CCDC85A: variants seen among roughly 807,000 people sequenced by gnomAD.
CCDC85A encodes the protein coiled-coil domain-containing protein 85A.
Under a neutral mutation model 50.2 loss-of-function variants are expected in CCDC85A, and 38 were observed. The observed-to-expected ratio is 0.76, with a 90% CI of 0.58 to 0.99. The LOEUF is 0.99. Ranked by LOEUF, CCDC85A falls within the 50% of genes least tolerant of loss-of-function variation. The pLI, the probability that CCDC85A is intolerant of heterozygous loss-of-function variation, is 0.00. For missense variants in CCDC85A, 820 were observed against 742.0 expected (o/e 1.11, Z -1.22); for synonymous variants, 366 against 301.4 (o/e 1.21, Z -2.22).
intron 2 of CCDC85A, among the ~76,000 whole-genome samples, chr2:56,284,251 A>G (rs1671329607): frequency 6.6e-6 from 1 of 152,088 alleles, no homozygotes; most frequent in Non-Finnish European, 1.5e-5. Context: ...GAAATTTATT[A>G]TGTCTTTTAT....
chr2:56,259,894 A>C (rs1489750267), intron 2 of CCDC85A, among the ~76,000 whole-genome samples: 1 of 152,106 alleles, frequency 6.6e-6, no homozygotes, highest in Non-Finnish European at 1.5e-5. Context: ...TACTCATCTT[A>C]AGGGCCAGGT....
At chr2:56,282,244 T>G (rs1052923069) in intron 2 of CCDC85A, among the ~76,000 whole-genome samples, 15 of 151,568 alleles carry the variant, frequency 9.9e-5, no homozygotes, top group Admixed American at 9.2e-4. Context: ...GGATCTTTTT[T>G]TAGATTCTGT....
chr2:56,305,114 A>AAAAT (rs1553408855), intron 2 of CCDC85A, among the ~76,000 whole-genome samples: 1 of 151,822 alleles, frequency 6.6e-6, no homozygotes, highest in African/African-American at 2.4e-5. Context: ...AAAAAAAAAA[A>AAAAT]ATATAGGATA....
intron 2 of CCDC85A, among the ~76,000 whole-genome samples, chr2:56,323,024 A>G (rs1485486758): frequency 6.6e-6 from 1 of 152,052 alleles, no homozygotes; most frequent in Non-Finnish European, 1.5e-5. Flanking sequence ...AACCATCATT[A>G]TGAGCAAACT....
intron 2 of CCDC85A, among the ~76,000 whole-genome samples, chr2:56,221,293 A>G (rs762044185): frequency 3.0e-4 from 46 of 152,050 alleles, no homozygotes; most frequent in Non-Finnish European, 1.5e-4. Context: ...TACACTTACT[A>G]TGTAGTAGAT....
chr2:56,377,601 A>G (rs1325815959), intron 5 of CCDC85A, among the ~76,000 whole-genome samples: 2 of 152,154 alleles, frequency 1.3e-5, no homozygotes, highest in East Asian at 3.9e-4. Flanking sequence ...GAGCTCCTCA[A>G]TTTTCTCTGA....
intron 2 of CCDC85A, among the ~76,000 whole-genome samples, chr2:56,226,170 G>T (rs1182414755): frequency 1.3e-5 from 2 of 152,198 alleles, no homozygotes; most frequent in African/African-American, 4.8e-5. Context: ...ATGGACTTGA[G>T]TTAAAATTCC....
Position 56,375,854 on chromosome 2 carries a change from C to G in CCDC85A, c.1491C>G (p.Asn497Lys). The stretch of plus-strand genomic sequence containing the variant: ...TGTCATCAGGGGCTGATGGGAGTAA[C>G]AGTTCACCCAACTCTGCAGCTAGCT... ...FRLSSGADGS[N>K]SSPNSAASFS... Residue 497 changes from asparagine to lysine, a missense_variant, in exon 5 of 6, where the codon AAC (asparagine) becomes AAG (lysine). By Grantham distance (94) the Asn-to-Lys change is moderately conservative (BLOSUM62 0). Transcript: ENST00000407595. 3 of 1,613,700 alleles carry G rather than the reference C, an allele frequency of 1.9e-6. No individual in the cohort carries two copies. Among genetic ancestry groups the G allele is most frequent in the Non-Finnish European group, 2.5e-6 (3 of 1,179,744 alleles).
chr2:56,340,294 G>A (rs951454261), intron 2 of CCDC85A, among the ~76,000 whole-genome samples: 4 of 152,174 alleles, frequency 2.6e-5, no homozygotes, highest in Admixed American at 2.0e-4. Flanking sequence ...TTTCCATGAT[G>A]AAATTCAGAT....
intron 2 of CCDC85A, among the ~76,000 whole-genome samples, chr2:56,214,292 G>A (rs1412401288): frequency 6.6e-6 from 1 of 151,902 alleles, no homozygotes; most frequent in African/African-American, 2.4e-5. Flanking sequence ...TATTAAGTGA[G>A]TATGAAGAGA....
intron 2 of CCDC85A, among the ~76,000 whole-genome samples, chr2:56,214,109 A>T (rs975650437): frequency 2.1e-5 from 3 of 144,440 alleles, no homozygotes; most frequent in Admixed American, 2.0e-4. Flanking sequence ...AAGGAAAAAG[A>T]TGACATTAGT....
intron 2 of CCDC85A, among the ~76,000 whole-genome samples, chr2:56,326,077 T>G (rs931723439): frequency 6.6e-6 from 1 of 152,148 alleles, no homozygotes. Context: ...GAAACTTGCT[T>G]AATTTGGCCT....
In CCDC85A at chr2:56,336,698, A is replaced by G. The variant is rs145127795; in HGVS notation, c.1241-6181A>G. 3.4e-4 allele frequency among the ~76,000 whole-genome samples: 52 copies of G among 152,352 alleles called. 1 individual carries two copies. The East Asian group carries it at 9.5e-3, about 28-fold the overall frequency. ...TAGGGTAACACTGCCTTAGAAACAAAAGGGAAGTAAAGAGGGTTTCATATT... is the reference window on the plus strand; with the variant it reads ...TAGGGTAACACTGCCTTAGAAACAAGAGGGAAGTAAAGAGGGTTTCATATT... On this transcript the variant is annotated intron_variant, in intron 2 of 5. Coordinates refer to ENST00000407595, the MANE Select transcript of CCDC85A (RefSeq NM_001080433.2).
At chr2:56,354,322 A>G (rs572386825) in intron 3 of CCDC85A, among the ~76,000 whole-genome samples, 3 of 152,240 alleles carry the variant, frequency 2.0e-5, no homozygotes, top group Admixed American at 6.5e-5. Flanking sequence ...GACATGAGGT[A>G]TCACACATTA....
In CCDC85A at chr2:56,193,088, G is replaced by C; in HGVS notation, c.888G>C (p.Pro296=). Residue 296 remains proline, a synonymous_variant, in exon 2 of 6, where the codon CCG becomes CCC. Transcript: ENST00000407595. ...CKGSPEQQRH[P]HPGSSPETLP... ...GCAGCCCCGAACAGCAAAGGCACCC[G>C]CATCCAGGGAGCAGCCCCGAAACGC... 6.2e-7 allele frequency: 1 copy of C among 1,613,564 alleles called. No individual in the cohort carries two copies. The highest frequency in any genetic ancestry group is 8.5e-7 in the Non-Finnish European group (1 of 1,179,806).
chr2:56,360,036 G>T (rs1675443554), intron 3 of CCDC85A, among the ~76,000 whole-genome samples: 1 of 152,200 alleles, frequency 6.6e-6, no homozygotes, highest in African/African-American at 2.4e-5. Flanking sequence ...CACCAGGACT[G>T]ATTGACATCA....
At chr2:56,321,892 A>G (rs12499814) in intron 2 of CCDC85A, among the ~76,000 whole-genome samples, 1 of 152,238 alleles carries the variant, frequency 6.6e-6, no homozygotes, top group South Asian at 2.1e-4. Context: ...ACTTCAAACT[A>G]TACTACAAGG....
chr2:56,212,723 C>A (rs1413421455), intron 2 of CCDC85A, among the ~76,000 whole-genome samples: 2 of 151,948 alleles, frequency 1.3e-5, no homozygotes, highest in Non-Finnish European at 2.9e-5. Flanking sequence ...AGTGTGCAGG[C>A]AGAATTTTCA....
At chr2:56,358,172 C>T (rs1675331860) in intron 3 of CCDC85A, among the ~76,000 whole-genome samples, 1 of 152,162 alleles carries the variant, frequency 6.6e-6, no homozygotes, top group South Asian at 2.1e-4. Context: ...CACCATCAGC[C>T]AAAACAAACC....
Sources: allele counts gnomAD v4.1 joint callset (sites outside exome capture counted in the v4.1 genomes callset), GRCh38; gene constraint gnomAD v4.1.1; transcripts MANE v1.5; gene names NCBI Gene and HGNC (gene_info 2026-07-23, HGNC 2026-07-21).